The following FOXN2 variants were observed in gnomAD, a reference collection of about 807,000 sequenced individuals.
The protein encoded by FOXN2 is forkhead box N2.
FOXN2 carries 19 observed loss-of-function variants against 41.2 expected under a neutral mutation model. That is an observed-to-expected ratio of 0.46 (90% CI 0.32 to 0.68). The LOEUF is 0.68. Ranked by LOEUF, FOXN2 falls within the 30% of genes least tolerant of loss-of-function variation. The probability of loss-of-function intolerance (pLI) is 0.03; values close to 1 mark genes in which losing one functional copy is unlikely to be tolerated. For synonymous variants in FOXN2, 195 were observed against 176.8 expected (o/e 1.10, Z -0.82); for missense variants, 587 against 509.4 (o/e 1.15, Z -1.47).
chr2:48,376,928 T>G lies in FOXN2; in HGVS notation c.*1485T>G, dbSNP rs1673291912. The G allele has an allele frequency of 6.6e-6, 1 of 152,502 alleles. No homozygotes were observed. The highest frequency in any genetic ancestry group is 2.1e-4 in the South Asian group (1 of 4,822). 9.4% of individuals were successfully genotyped at this position (152,502 alleles called of 1,614,324 possible). The stretch of plus-strand genomic sequence containing the variant: ...TGCACAGTCAAGGTCATGATGTTGA[T>G]TTGCTTTCAGCTGTTTCTGTGATTA... On this transcript the variant is annotated 3_prime_UTR_variant, in exon 7 of 7. Coordinates refer to ENST00000340553, the MANE Select transcript of FOXN2 (RefSeq NM_002158.4).
intron 2 of FOXN2, among the ~76,000 whole-genome samples, chr2:48,340,434 G>C (rs1558621781): frequency 6.6e-6 from 1 of 151,982 alleles, no homozygotes; most frequent in Non-Finnish European, 1.5e-5. Flanking sequence ...CCTAGAGTAG[G>C]ATATCACTAT....
chr2:48,375,329 T>G lies in FOXN2; in HGVS notation c.1182T>G (p.Asp394Glu). The change falls in exon 7 of 7, where the codon GAT becomes GAG. Residue 394 changes from aspartate to glutamate, a missense_variant. Asp to Glu is a conservative substitution (Grantham distance 45). Coordinates refer to ENST00000340553, the MANE Select transcript of FOXN2 (RefSeq NM_002158.4). ...GAAAACAGACATGTCAAGAAATTGA[T>G]GAGGAGCTCAAAGAGGCAGCTGGAT... ...KMRKQTCQEI[D>E]EELKEAAGSL... 1 of 1,613,776 alleles carries G rather than the reference T, an allele frequency of 6.2e-7. No individual in the cohort carries two copies.
intron 6 of FOXN2, 60 bp from the exon 7 acceptor site, chr2:48,374,860 T>A: frequency 1.4e-6 from 2 of 1,411,514 alleles, no homozygotes; most frequent in Non-Finnish European, 1.9e-6. Flanking sequence ...TAGTTTAAAA[T>A]TGGTCTGTTT....
chr2:48,334,067 A>G (rs1157287828), intron 2 of FOXN2, among the ~76,000 whole-genome samples: 1 of 151,970 alleles, frequency 6.6e-6, no homozygotes, highest in Non-Finnish European at 1.5e-5. Context: ...GGTAACTTAA[A>G]TATAGCAATT....
chr2:48,373,400 C>A lies in FOXN2; in HGVS notation c.772+40C>A, dbSNP rs559608428. On this transcript the variant is annotated intron_variant, in intron 6 of 6. Coordinates refer to ENST00000340553, the MANE Select transcript of FOXN2 (RefSeq NM_002158.4). ...CTTTTTTAAAAAAAAATTTTAGTGC[C>A]TTTTCAAATTTAACCTAGACTATAA... 4 of 1,221,138 alleles carry A rather than the reference C, an allele frequency of 3.3e-6. No individual in the cohort carries two copies. The South Asian group carries it at 5.3e-5, about 16-fold the overall frequency. 75.6% of individuals were successfully genotyped at this position (1,221,138 alleles called of 1,614,324 possible). A position where few individuals can be genotyped will look rare whatever the true frequency, so the allele number is the denominator to read the frequency against.
In FOXN2 at chr2:48,315,911, G is replaced by A. The variant is rs149188911; in HGVS notation, c.-157+1097G>A. On this transcript the variant is annotated intron_variant, in intron 1 of 6. Coordinates refer to ENST00000340553, the MANE Select transcript of FOXN2 (RefSeq NM_002158.4). ...AAAGAGTTTTAGCGTGCAAAGAAAT[G>A]ACCACAGACTTTCTTTCTCCTACCC... Among the ~76,000 whole-genome samples the A allele has an allele frequency of 4.1e-4, 62 of 152,326 alleles. 1 individual carries two copies. Among genetic ancestry groups the A allele is most frequent in the African/African-American group, 1.4e-3 (59 of 41,580 alleles).
At chr2:48,367,251 C>A (rs1672593507) in intron 5 of FOXN2, among the ~76,000 whole-genome samples, 1 of 151,572 alleles carries the variant, frequency 6.6e-6, no homozygotes, top group Non-Finnish European at 1.5e-5. Flanking sequence ...AGTAAATTCA[C>A]CTGTTTAAAA....
In FOXN2 at chr2:48,353,845, CT is replaced by C. The variant is rs892300354; in HGVS notation, c.538-5192del. Among the ~76,000 whole-genome samples, 1,241 of 147,556 alleles carry C rather than the reference CT, an allele frequency of 8.4e-3. 25 individuals carry two copies. The highest frequency in any genetic ancestry group is 0.028 in the African/African-American group (1,147 of 40,300). ...TTGTGTTGGTATTGTTATCCTCTGTCTTTTTTTTTTAAACACTGTACATATT... is the reference window on the plus strand; with the variant it reads ...TTGTGTTGGTATTGTTATCCTCTGTCTTTTTTTTTAAACACTGTACATATT... On this transcript the variant is annotated intron_variant, in intron 3 of 6. Coordinates refer to ENST00000340553, the MANE Select transcript of FOXN2 (RefSeq NM_002158.4).
intron 3 of FOXN2, 43 bp downstream of exon 3, chr2:48,346,794 A>T (rs779963557): frequency 2.0e-6 from 3 of 1,471,128 alleles, no homozygotes; most frequent in Non-Finnish European, 2.7e-6. Flanking sequence ...AGGTGGGGGG[A>T]CTAATTAACA....
At chr2:48,330,205 C>G (rs538172358) in intron 2 of FOXN2, among the ~76,000 whole-genome samples, 7 of 151,942 alleles carry the variant, frequency 4.6e-5, no homozygotes, top group Non-Finnish European at 1.0e-4. Context: ...CTGGAAAATA[C>G]AATGCTGTGG....
chr2:48,343,354 A>G (rs1670892167), intron 2 of FOXN2, among the ~76,000 whole-genome samples: 2 of 152,318 alleles, frequency 1.3e-5, no homozygotes, highest in South Asian at 2.1e-4. Context: ...TTTTTGCAGA[A>G]TAGACAAATA....
At chr2:48,315,322 C>T (rs1456602834) in intron 1 of FOXN2, among the ~76,000 whole-genome samples, 1 of 152,220 alleles carries the variant, frequency 6.6e-6, no homozygotes, top group East Asian at 1.9e-4. Context: ...CCAGTTGGGA[C>T]TGGCTGGGCC....
At chr2:48,371,311 C>G (rs999419825) in intron 5 of FOXN2, among the ~76,000 whole-genome samples, 1 of 152,030 alleles carries the variant, frequency 6.6e-6, no homozygotes, top group Admixed American at 6.6e-5. Context: ...GCACAAGAAT[C>G]GCTTGAACCT....
At chr2:48,369,889 A>G (rs143128567) in intron 5 of FOXN2, among the ~76,000 whole-genome samples, 30 of 152,154 alleles carry the variant, frequency 2.0e-4, no homozygotes, top group Non-Finnish European at 3.7e-4. Context: ...GGTCCCAGCT[A>G]CTTGGGAAGC....
intron 1 of FOXN2, among the ~76,000 whole-genome samples, chr2:48,325,365 A>G (rs1669590437): frequency 6.6e-6 from 1 of 152,218 alleles, no homozygotes; most frequent in Non-Finnish European, 1.5e-5. Context: ...TAAGCATTCA[A>G]TGAGTTTTTT....
intron 2 of FOXN2, among the ~76,000 whole-genome samples, chr2:48,335,943 G>T (rs1371383862): frequency 2.0e-5 from 3 of 151,872 alleles, no homozygotes; most frequent in Middle Eastern, 3.4e-3. Flanking sequence ...CAGGAGAATG[G>T]CATGAACCCA....
In FOXN2 at chr2:48,375,339, A is replaced by G. The variant is rs1304938368; in HGVS notation, c.1192A>G (p.Lys398Glu). 10 of 1,613,772 alleles carry G rather than the reference A, an allele frequency of 6.2e-6. No homozygotes were observed. The East Asian group carries it at 2.2e-4, about 36-fold the overall frequency. ...ATGTCAAGAAATTGATGAGGAGCTC[A>G]AAGAGGCAGCTGGATCTCTGCTCCA... Reference protein sequence around the residue: ...QTCQEIDEELKEAAGSLLHLA... With the variant: ...QTCQEIDEELEEAAGSLLHLA... The change falls in exon 7 of 7, where the codon AAA (lysine) becomes GAA (glutamate). Residue 398 changes from lysine to glutamate, a missense_variant. Physicochemically the swap from Lys to Glu is moderately conservative, Grantham distance 56 (BLOSUM62 1). Transcript: ENST00000340553.
chr2:48,359,213 T>C (rs1672008446), intron 4 of FOXN2, 66 bp downstream of exon 4: 1 of 1,085,402 alleles, frequency 9.2e-7, no homozygotes, highest in Non-Finnish European at 1.4e-6. Flanking sequence ...ATGGAGAAAC[T>C]TAAAGGTCCA....
intron 2 of FOXN2, among the ~76,000 whole-genome samples, chr2:48,342,134 A>G (rs1306138872): frequency 6.6e-6 from 1 of 152,214 alleles, no homozygotes; most frequent in Non-Finnish European, 1.5e-5. Flanking sequence ...TAGAACAACA[A>G]AGACAAAAAT....
Sources: gnomAD v4.1 joint callset for allele counts (sites outside exome capture counted in the v4.1 genomes callset) on GRCh38, gnomAD v4.1.1 for gene constraint, MANE v1.5 for transcripts, NCBI Gene and HGNC (gene_info 2026-07-23, HGNC 2026-07-21) for gene names.